Variants in OTOGL observed in about 807,000 individuals in gnomAD.
The protein encoded by OTOGL is otogelin like.
Under a neutral mutation model 318.5 loss-of-function variants are expected in OTOGL, and 285 were observed. The observed-to-expected ratio is 0.89, with a 90% CI of 0.81 to 0.99. The LOEUF is 0.99. OTOGL is among the 50% of genes least tolerant of loss of function. The pLI is 0.00. For missense variants in OTOGL, 2,899 were observed against 2,845.6 expected (o/e 1.02, Z -0.43); for synonymous variants, 987 against 936.5 (o/e 1.05, Z -0.99).
Position 80,345,359 on chromosome 12 carries a change from C to T in OTOGL, c.5265+3197C>T, listed in dbSNP as rs1000789571. On this transcript the variant is annotated intron_variant, in intron 44 of 58. Transcript: ENST00000547103. ...CAAGTGATTCTCCTGCCTCAGCCTC[C>T]TGAGTAGCTGGGATTACAGGCATGT... Among the ~76,000 whole-genome samples, 65 of 151,138 alleles carry T rather than the reference C, an allele frequency of 4.3e-4. 2 individuals are homozygous for T. Among genetic ancestry groups the T allele is most frequent in the African/African-American group, 1.4e-3 (58 of 41,176 alleles).
chr12:80,108,621 A>G (rs1869597854), intron 1 of OTOGL, among the ~76,000 whole-genome samples: 1 of 151,218 alleles, frequency 6.6e-6, no homozygotes, highest in Admixed American at 6.6e-5. Flanking sequence ...GCATCCATTG[A>G]TGACTTTTGC....
chr12:80,138,953 C>CT (rs1369349725), intron 1 of OTOGL, among the ~76,000 whole-genome samples: 1 of 152,200 alleles, frequency 6.6e-6, no homozygotes, highest in Non-Finnish European at 1.5e-5. Flanking sequence ...TTCTCACCGT[C>CT]TCTTCCAACT....
intron 1 of OTOGL, among the ~76,000 whole-genome samples, chr12:80,114,797 G>A (rs1870060389): frequency 6.6e-6 from 1 of 151,868 alleles, no homozygotes; most frequent in South Asian, 2.1e-4. Flanking sequence ...ATATTTGTTG[G>A]AGGCTTTGTT....
chr12:80,373,884 T>C (rs1036715287), intron 57 of OTOGL, among the ~76,000 whole-genome samples: 1 of 151,944 alleles, frequency 6.6e-6, no homozygotes, highest in African/African-American at 2.4e-5. Context: ...CCAGGACAAG[T>C]TTTAGGAGAG....
At chr12:80,154,234 G>A (rs142063903) in intron 1 of OTOGL, among the ~76,000 whole-genome samples, 3,640 of 152,194 alleles carry the variant, frequency 0.024, 150 homozygotes, top group African/African-American at 0.083. Flanking sequence ...TTTTGAACCC[G>A]GGAGGTGGAG....
intron 45 of OTOGL, among the ~76,000 whole-genome samples, chr12:80,352,640 C>T (rs977218885): frequency 6.6e-6 from 1 of 152,168 alleles, no homozygotes; most frequent in African/African-American, 2.4e-5. Context: ...CTTCTCCAGC[C>T]CTTCCCTTTC....
At position 80,238,838 on chromosome 12, in the gene OTOGL, C is replaced by T. The variant is rs1187430221; in HGVS notation, c.818-13C>T. 7 of 1,514,364 alleles carry T rather than the reference C, an allele frequency of 4.6e-6. No individual in the cohort carries two copies. In the South Asian group the frequency reaches 7.5e-5, roughly 16 times the overall value. 93.8% of individuals were successfully genotyped at this position (1,514,364 alleles called of 1,614,324 possible). ...TATTTGTGTGTGTGTGTGTGTGTGC[C>T]TGTGTGAAATAGAGGACTATACAGA... On this transcript the variant is annotated splice_polypyrimidine_tract_variant and intron_variant, in intron 9 of 58. Transcript: ENST00000547103.
rs190079580 is a variant in OTOGL, at chr12:80,161,029, T to G, written c.-19-48384T>G. ...TCTTATTCATAAGTGGGAGTTAAGC[T>G]ATGAAGATTCAAAGGCATAAGAATG... On this transcript the variant is annotated intron_variant, in intron 1 of 58. Coordinates refer to ENST00000547103, the MANE Select transcript of OTOGL (RefSeq NM_001378609.3). Among the ~76,000 whole-genome samples, 406 of 152,034 alleles carry G rather than the reference T, an allele frequency of 2.7e-3. 1 individual carries two copies. The highest frequency in any genetic ancestry group is 9.0e-3 in the African/African-American group (375 of 41,452).
In OTOGL at chr12:80,320,507, G is replaced by A. The variant is rs369257143; in HGVS notation, c.3888G>A (p.Leu1296=). 2 of 1,613,666 alleles carry A rather than the reference G, an allele frequency of 1.2e-6. No homozygotes were observed. Among genetic ancestry groups the A allele is most frequent in the Non-Finnish European group, 1.7e-6 (2 of 1,179,734 alleles). The change falls in exon 34 of 59, where the codon CTG becomes CTA. Residue 1296 remains leucine, a synonymous_variant. Transcript: ENST00000547103. ...VHDNDTLSLE[L]WEANSAFHRR... is the part of the protein sequence containing the mutation. ...ACAATGATACTCTTAGCTTGGAGCT[G>A]TGGGAGGCGAATTCAGCCTTTCATC...
chr12:80,286,563 T>C (rs1273211689), intron 26 of OTOGL, among the ~76,000 whole-genome samples: 1 of 152,214 alleles, frequency 6.6e-6, no homozygotes, highest in East Asian at 1.9e-4. Flanking sequence ...TTGTTATTGG[T>C]CTATTCAGGG....
At chr12:80,130,791 C>T (rs962031250) in intron 1 of OTOGL, among the ~76,000 whole-genome samples, 15 of 152,310 alleles carry the variant, frequency 9.8e-5, no homozygotes, top group Admixed American at 7.8e-4. Flanking sequence ...TCACATGAAT[C>T]TAACAATTTT....
At chr12:80,153,488 C>A (rs1233408813) in intron 1 of OTOGL, among the ~76,000 whole-genome samples, 7 of 152,212 alleles carry the variant, frequency 4.6e-5, no homozygotes, top group Non-Finnish European at 1.0e-4. Flanking sequence ...TAGCCTCTCT[C>A]ATTATCAACA....
At chr12:80,127,437 G>T (rs139088352) in intron 1 of OTOGL, among the ~76,000 whole-genome samples, 1 of 152,174 alleles carries the variant, frequency 6.6e-6, no homozygotes, top group South Asian at 2.1e-4. Context: ...GCTTCCCTTT[G>T]TGGGTAACCC....
At position 80,267,295 on chromosome 12, in the gene OTOGL, T is replaced by C. The variant is rs569405522; in HGVS notation, c.2433T>C (p.Pro811=). 247 of 1,566,194 alleles carry C rather than the reference T, an allele frequency of 1.6e-4. 2 individuals carry two copies. In the South Asian group the frequency reaches 2.7e-3, roughly 17 times the overall value. ...RCHYRGSVYQ[P]GELIPTPSGL... The stretch of plus-strand genomic sequence containing the variant: ...ATTATAGGGGCAGTGTTTATCAACC[T>C]GGAGAGCTCATCCCCACACCCTCGG... The change falls in exon 22 of 59, where the codon CCT becomes CCC. Residue 811 remains proline (P), a synonymous_variant. Coordinates refer to ENST00000547103, the MANE Select transcript of OTOGL (RefSeq NM_001378609.3).
At chr12:80,196,741 G>T (rs547976520) in intron 1 of OTOGL, among the ~76,000 whole-genome samples, 1 of 152,308 alleles carries the variant, frequency 6.6e-6, no homozygotes, top group South Asian at 2.1e-4. Flanking sequence ...GAAAGCCACT[G>T]TAACCCCTGC....
chr12:80,291,656 T>C (rs1223051738), intron 26 of OTOGL, among the ~76,000 whole-genome samples: 1 of 152,214 alleles, frequency 6.6e-6, no homozygotes, highest in Non-Finnish European at 1.5e-5. Flanking sequence ...TTTGGTCAGC[T>C]CTATAATGTC....
chr12:80,356,414 A>G lies in OTOGL; in HGVS notation c.5807-2A>G, dbSNP rs1310841769. 5 of 1,603,412 alleles carry G rather than the reference A, an allele frequency of 3.1e-6. No individual in the cohort carries two copies. Among genetic ancestry groups the G allele is most frequent in the Non-Finnish European group, 2.6e-6 (3 of 1,174,266 alleles). On this transcript the variant is annotated splice_acceptor_variant, in intron 47 of 58. Coordinates refer to ENST00000547103, the MANE Select transcript of OTOGL (RefSeq NM_001378609.3). LOFTEE classifies it high-confidence loss of function. ...TATTTTAACAGTTTTTCTTATTTAT[A>G]GGATGTGACACGACTTTGTGTGAAA...
chr12:80,109,660 G>A (rs1259204265), intron 1 of OTOGL, among the ~76,000 whole-genome samples: 2 of 152,194 alleles, frequency 1.3e-5, no homozygotes, highest in Admixed American at 6.5e-5. Context: ...TTTCATTATT[G>A]GCCAGAGTAA....
At chr12:80,229,961 G>C (rs1252145897) in intron 8 of OTOGL, among the ~76,000 whole-genome samples, 1 of 151,576 alleles carries the variant, frequency 6.6e-6, no homozygotes, top group African/African-American at 2.4e-5. Flanking sequence ...GAGAATTTTG[G>C]GGCAGGGGAT....
Sources: allele counts gnomAD v4.1 joint callset (sites outside exome capture counted in the v4.1 genomes callset), GRCh38; gene constraint gnomAD v4.1.1; transcripts MANE v1.5; gene names NCBI Gene and HGNC (gene_info 2026-07-23, HGNC 2026-07-21).